The following RBM7 variants were observed in gnomAD, a reference collection of about 807,000 sequenced individuals.
RBM7 encodes RNA binding motif protein 7.
RBM7 carries 13 observed loss-of-function variants against 31.0 expected under a neutral mutation model. The observed-to-expected ratio is 0.42, with a 90% CI of 0.27 to 0.67. The LOEUF is 0.67. RBM7 is among the 30% of genes least tolerant of loss of function. RBM7 has a pLI of 0.24. For synonymous variants in RBM7, 106 were observed against 111.2 expected (o/e 0.95, Z 0.30); for missense variants, 245 against 326.2 (o/e 0.75, Z 1.92).
At chr11:114,405,593 C>A in intron 3 of RBM7, 113 bp from the exon 4 acceptor site, 1 of 558,378 alleles carries the variant, frequency 1.8e-6, no homozygotes, top group African/African-American at 2.0e-5. Flanking sequence ...TGCATGAGAG[C>A]AGATACCTTT....
At chr11:114,402,115 G>C in intron 2 of RBM7, 1 of 357,834 alleles carries the variant, frequency 2.8e-6, no homozygotes, top group Non-Finnish European at 4.9e-6. Flanking sequence ...CACTAAGAGA[G>C]CTGGGCTTGG....
At chr11:114,402,641 G>C (rs888497757) in intron 2 of RBM7, among the ~76,000 whole-genome samples, 187 bp from the exon 3 acceptor site, 4 of 151,982 alleles carry the variant, frequency 2.6e-5, no homozygotes, top group Non-Finnish European at 5.9e-5. Context: ...CTGGCCTCGA[G>C]AGATGTGCCC....
At chr11:114,402,382 C>CTTTTTTTTTTTTTTTTTTTTTT (rs71063570) in intron 2 of RBM7, among the ~76,000 whole-genome samples, 1 of 50,126 alleles carries the variant, frequency 2.0e-5, no homozygotes, top group African/African-American at 6.9e-5. Flanking sequence ...GCTTGAGATT[C>CTTTTTTTTTTTTTTTTTTTTTT]TTTTTTTTTT....
intron 4 of RBM7, chr11:114,406,703 A>T (rs561176384): frequency 6.6e-6 from 1 of 152,258 alleles, no homozygotes; most frequent in South Asian, 2.1e-4. Flanking sequence ...ATTCCAGTAA[A>T]CCCTGTAGCC....
rs1251342555 is a variant in RBM7 at position 114,408,565 on chromosome 11, GA to G, written c.*761del. 1 of 152,694 alleles carries G rather than the reference GA, an allele frequency of 6.5e-6. No individual in the cohort carries two copies. The highest frequency in any genetic ancestry group is 1.5e-5 in the Non-Finnish European group (1 of 68,002). The allele number at this position is 152,694 out of a possible 1,614,324, so 9.5% of individuals were successfully genotyped here. On this transcript the variant is annotated 3_prime_UTR_variant, in exon 5 of 5. Coordinates refer to ENST00000375490, the MANE Select transcript of RBM7 (RefSeq NM_001286045.2). ...AGATAAAATGGTAAAATGTTTTACT[GA>G]AAGCATACTTTTTTGGAAAATAGAT...
In RBM7 at chr11:114,403,572, C is replaced by T. The variant is rs116718535; in HGVS notation, c.347+657C>T. ...ATATTTTACCAGGGACAATTTTTCC[C>T]GGTATATCCATAAAGCTATTTAACA... On this transcript the variant is annotated intron_variant, in intron 3 of 4. Transcript: ENST00000375490. Among the ~76,000 whole-genome samples the T allele has an allele frequency of 1.5e-3, 224 of 152,154 alleles. 2 individuals are homozygous for T. The highest frequency in any genetic ancestry group is 4.3e-3 in the African/African-American group (180 of 41,504).
chr11:114,401,590 T>C (rs879567696), intron 1 of RBM7, 108 bp from the exon 2 acceptor site: 1 of 950,962 alleles, frequency 1.1e-6, no homozygotes, highest in Non-Finnish European at 1.5e-6. Context: ...AAAAGAAGTT[T>C]CTGATTACGT....
In RBM7 at chr11:114,401,778, T is replaced by G. The variant is rs201324300; in HGVS notation, c.177T>G (p.His59Gln). 1 of 1,586,460 alleles carries G rather than the reference T, an allele frequency of 6.3e-7. No individual in the cohort carries two copies. Among genetic ancestry groups the G allele is most frequent in the Non-Finnish European group, 8.5e-7 (1 of 1,170,176 alleles). ...PKQFAFVNFKHEVSVPYAMNL... is the reference protein window; with the variant it reads ...PKQFAFVNFKQEVSVPYAMNL... ...AGTTTGCGTTTGTGAATTTCAAACA[T>G]GAAGTGTCTGTTCCTTATGCAATGA... The change falls in exon 2 of 5, where the codon CAT becomes CAG. Residue 59 changes from histidine (H) to glutamine (Q), a missense_variant. His to Gln is a conservative substitution (Grantham distance 24, BLOSUM62 0). Coordinates refer to ENST00000375490, the MANE Select transcript of RBM7 (RefSeq NM_001286045.2).
rs565449469 is a variant in RBM7, at chr11:114,403,391, A to G, written c.347+476A>G. 3.3e-5 allele frequency among the ~76,000 whole-genome samples: 5 copies of G among 152,290 alleles called. No homozygotes were observed. In the East Asian group the frequency reaches 9.6e-4, roughly 29 times the overall value. On this transcript the variant is annotated intron_variant, in intron 3 of 4. Coordinates refer to ENST00000375490, the MANE Select transcript of RBM7 (RefSeq NM_001286045.2). ...TTGGATTCTAGGTCTGCATCTATCA[A>G]TTGTGTAATCTTGAGCTAGTCTCCT... is the stretch of plus-strand genomic sequence containing the variant.
At chr11:114,401,987 A>G (rs907951088) in intron 2 of RBM7, 127 bp downstream of exon 2, 2 of 950,878 alleles carry the variant, frequency 2.1e-6, no homozygotes, top group Non-Finnish European at 1.5e-6. Flanking sequence ...TAAACTTTAT[A>G]TAGCAAACTT....
intron 4 of RBM7, chr11:114,406,638 T>C (rs1946268658): frequency 6.6e-6 from 1 of 152,218 alleles, no homozygotes; most frequent in Non-Finnish European, 1.5e-5. Context: ...TTTCCATTGT[T>C]TGTAAGATGA....
At chr11:114,403,518 A>G (rs1946230459) in intron 3 of RBM7, among the ~76,000 whole-genome samples, 1 of 152,232 alleles carries the variant, frequency 6.6e-6, no homozygotes, top group Non-Finnish European at 1.5e-5. Flanking sequence ...ATATTTACTT[A>G]AATGATTTTA....
chr11:114,405,934 T>G, intron 4 of RBM7, 135 bp downstream of exon 4: 1 of 569,436 alleles, frequency 1.8e-6, no homozygotes, highest in Non-Finnish European at 2.9e-6. Context: ...CCTCAAGGCG[T>G]AAGTGAACTT....
chr11:114,407,471 A>G lies in RBM7; in HGVS notation c.468A>G (p.Ser156=), dbSNP rs1591200429. 8 of 1,613,722 alleles carry G rather than the reference A, an allele frequency of 5.0e-6. 1 individual carries two copies. The African/African-American group carries it at 6.7e-5, about 13-fold the overall frequency. The change falls in exon 5 of 5, where the codon TCA becomes TCG. Residue 156 remains serine (S), a synonymous_variant. Coordinates refer to ENST00000375490, the MANE Select transcript of RBM7 (RefSeq NM_001286045.2). ...TGAACAGTGCTTTGAGACAAATGTC[A>G]TATGGTGGAAAATTTGGTTCTTCAC... ...AVMNSALRQM[S]YGGKFGSSPL...
In RBM7 at chr11:114,407,604, G is replaced by C. The variant is rs765997028; in HGVS notation, c.601G>C (p.Val201Leu). The change falls in exon 5 of 5, where the codon GTC becomes CTC. Residue 201 changes from valine to leucine, a missense_variant. Val to Leu is a conservative substitution (Grantham distance 32, BLOSUM62 1). Coordinates refer to ENST00000375490, the MANE Select transcript of RBM7 (RefSeq NM_001286045.2). Reference protein sequence around the residue: ...RQGTPSSQRKVRMNSYPYLAD... With the variant: ...RQGTPSSQRKLRMNSYPYLAD... ...AGGTACACCATCATCACAGCGTAAA[G>C]TCAGAATGAATTCTTATCCCTACCT... The C allele has an allele frequency of 1.8e-5, 29 of 1,614,152 alleles. No individual in the cohort carries two copies. The highest frequency in any genetic ancestry group is 2.3e-5 in the Non-Finnish European group (27 of 1,180,018).
In RBM7 at chr11:114,408,185, G is replaced by A. The variant is rs1946292448; in HGVS notation, c.*378G>A. 6.5e-6 allele frequency: 1 copy of A among 154,400 alleles called. No individual in the cohort carries two copies. The highest frequency in any genetic ancestry group is 2.0e-4 in the South Asian group (1 of 4,890). The allele number at this position is 154,400 out of a possible 1,614,324, so 9.6% of individuals were successfully genotyped here. ...AACATCCAGGTTGACAGTCTAAAAT[G>A]GCTACTGGTATTTTAGTTAATTCAA... On this transcript the variant is annotated 3_prime_UTR_variant, in exon 5 of 5. Transcript: ENST00000375490.
At chr11:114,402,695 G>T (rs536779023) in intron 2 of RBM7, 133 bp from the exon 3 acceptor site, 2 of 742,860 alleles carry the variant, frequency 2.7e-6, no homozygotes. Flanking sequence ...GTCAGCCACC[G>T]CGCCCGGCCA....
In RBM7 at chr11:114,409,236, TTAAGA is replaced by T; in HGVS notation, c.*1433_*1437del. The stretch of plus-strand genomic sequence containing the variant: ...AGCTATTCAACTACTCACTATAGAA[TTAAGA>T]TAAACAATTTGTTTGCTTAAGCATT... On this transcript the variant is annotated 3_prime_UTR_variant, in exon 5 of 5. Coordinates refer to ENST00000375490, the MANE Select transcript of RBM7 (RefSeq NM_001286045.2). 1 of 152,356 alleles carries T rather than the reference TTAAGA, an allele frequency of 6.6e-6. No homozygotes were observed. The highest frequency in any genetic ancestry group is 1.5e-5 in the Non-Finnish European group (1 of 68,024). 9.4% of individuals were successfully genotyped at this position (152,356 alleles called of 1,614,324 possible). A position where few individuals can be genotyped will look rare whatever the true frequency, so the allele number is the denominator to read the frequency against.
intron 3 of RBM7, among the ~76,000 whole-genome samples, chr11:114,403,823 A>G (rs1379089870): frequency 6.6e-6 from 1 of 152,244 alleles, no homozygotes; most frequent in Non-Finnish European, 1.5e-5. Flanking sequence ...CCCAGCCACT[A>G]TGATGTATTA....
Sources: gnomAD v4.1 joint callset for allele counts (sites outside exome capture counted in the v4.1 genomes callset) on GRCh38, gnomAD v4.1.1 for gene constraint, MANE v1.5 for transcripts, NCBI Gene and HGNC (gene_info 2026-07-23, HGNC 2026-07-21) for gene names.